The following ST6GALNAC3 variants were observed in gnomAD, a reference collection of about 807,000 sequenced individuals.
The protein encoded by ST6GALNAC3 is ST6 N-acetylgalactosaminide alpha-2,6-sialyltransferase 3.
Under a neutral mutation model 32.7 loss-of-function variants are expected in ST6GALNAC3, and 25 were observed. The ratio of observed to expected loss-of-function variants is 0.76; its 90% CI spans 0.56 to 1.07. ST6GALNAC3 has a LOEUF of 1.07. Among genes scored for constraint, ST6GALNAC3 ranks in the 50% least tolerant of loss-of-function variants. The pLI is 0.00. For missense variants in ST6GALNAC3, 355 were observed against 382.4 expected (o/e 0.93, Z 0.60); for synonymous variants, 129 against 133.1 (o/e 0.97, Z 0.21).
chr1:76,180,227 G>T (rs79217273), intron 1 of ST6GALNAC3, among the ~76,000 whole-genome samples: 4,248 of 152,184 alleles, frequency 0.028, 189 homozygotes, highest in African/African-American at 0.096. Context: ...ATATAGTTTT[G>T]TCACTTCTTA....
intron 1 of ST6GALNAC3, among the ~76,000 whole-genome samples, chr1:76,278,662 G>T (rs1410350498): frequency 6.6e-6 from 1 of 152,018 alleles, no homozygotes; most frequent in Non-Finnish European, 1.5e-5. Flanking sequence ...AAAATAAACA[G>T]AAAATGTTGC....
intron 3 of ST6GALNAC3, among the ~76,000 whole-genome samples, chr1:76,527,735 A>G (rs1402449841): frequency 2.6e-5 from 4 of 152,104 alleles, no homozygotes; most frequent in Non-Finnish European, 5.9e-5. Context: ...AAAAGCTGCC[A>G]TTAATAACCT....
chr1:76,141,449 C>G (rs1650315051), intron 1 of ST6GALNAC3, among the ~76,000 whole-genome samples: 1 of 152,064 alleles, frequency 6.6e-6, no homozygotes. Flanking sequence ...CTGCAAGTCC[C>G]CATTAAGTGT....
chr1:76,339,400 A>G (rs1647773267), intron 2 of ST6GALNAC3, among the ~76,000 whole-genome samples: 1 of 152,160 alleles, frequency 6.6e-6, no homozygotes, highest in Non-Finnish European at 1.5e-5. Flanking sequence ...TAGGAAAAAG[A>G]AAAGACAAAT....
chr1:76,635,150 T>C (rs960709795), downstream of ST6GALNAC3, among the ~76,000 whole-genome samples: 1 of 152,190 alleles, frequency 6.6e-6, no homozygotes, highest in African/African-American at 2.4e-5. Context: ...GCACATAAGC[T>C]GCATAGAACA....
At chr1:76,298,197 A>G (rs1192580376) in intron 1 of ST6GALNAC3, among the ~76,000 whole-genome samples, 1 of 152,040 alleles carries the variant, frequency 6.6e-6, no homozygotes, top group South Asian at 2.1e-4. Context: ...TAAGTAGGAA[A>G]TGACAAGCTG....
intron 3 of ST6GALNAC3, among the ~76,000 whole-genome samples, chr1:76,612,423 G>A (rs887827332): frequency 6.6e-6 from 1 of 152,172 alleles, no homozygotes; most frequent in Non-Finnish European, 1.5e-5. Context: ...GACTAATGGG[G>A]CATGCAGGAT....
chr1:76,535,474 T>C (rs950612179), intron 3 of ST6GALNAC3, among the ~76,000 whole-genome samples: 19 of 152,174 alleles, frequency 1.2e-4, no homozygotes, highest in African/African-American at 4.6e-4. Context: ...CTAATTCTCA[T>C]GGTTTTTATA....
intron 2 of ST6GALNAC3, among the ~76,000 whole-genome samples, chr1:76,346,199 T>C (rs948344846): frequency 7.9e-5 from 12 of 152,304 alleles, no homozygotes; most frequent in African/African-American, 2.9e-4. Context: ...CGTCGGCACT[T>C]ACGCCTCGAA....
At position 76,628,803 on chromosome 1, in the gene ST6GALNAC3, T is replaced by G. The variant is rs760346091; in HGVS notation, c.915T>G (p.Ser305=). The part of the protein sequence containing the change: ...IIFTHPNWTL[S] ...TTACACATCCAAACTGGACATTGTC[T>G]TGATAATGGTTTTCCTGATCTTGCC... The change falls in exon 5 of 5, where the codon TCT becomes TCG. Residue 305 remains serine (S), a synonymous_variant. Coordinates refer to ENST00000328299, the MANE Select transcript of ST6GALNAC3 (RefSeq NM_152996.4). The G allele has an allele frequency of 1.6e-5, 26 of 1,610,036 alleles. No homozygotes were observed. The South Asian group carries it at 2.9e-4, about 18-fold the overall frequency.
At chr1:76,207,141 A>C (rs575855645) in intron 1 of ST6GALNAC3, among the ~76,000 whole-genome samples, 1 of 152,254 alleles carries the variant, frequency 6.6e-6, no homozygotes, top group African/African-American at 2.4e-5. Context: ...TATTTTTCTC[A>C]TTTAACTATC....
chr1:76,586,491 T>G (rs1646964355), intron 3 of ST6GALNAC3, among the ~76,000 whole-genome samples: 1 of 152,246 alleles, frequency 6.6e-6, no homozygotes, highest in Non-Finnish European at 1.5e-5. Context: ...CTTCCCAATA[T>G]GCACTATCTC....
intron 2 of ST6GALNAC3, among the ~76,000 whole-genome samples, chr1:76,359,449 G>A (rs563496225): frequency 1.3e-5 from 2 of 152,244 alleles, no homozygotes; most frequent in African/African-American, 4.8e-5. Context: ...ATTCACACAG[G>A]AAGAATGCTA....
chr1:76,308,470 C>T (rs1366206260), intron 1 of ST6GALNAC3, among the ~76,000 whole-genome samples: 2 of 152,122 alleles, frequency 1.3e-5, no homozygotes, highest in Non-Finnish European at 2.9e-5. Context: ...CATGTACTTA[C>T]TGTTGTTTAA....
At chr1:76,466,074 T>C (rs1658607089) in intron 3 of ST6GALNAC3, among the ~76,000 whole-genome samples, 1 of 152,118 alleles carries the variant, frequency 6.6e-6, no homozygotes, top group Non-Finnish European at 1.5e-5. Context: ...TAAAAATAAA[T>C]TGTGTCATAA....
At chr1:76,603,596 A>G (rs1024155892) in intron 3 of ST6GALNAC3, among the ~76,000 whole-genome samples, 2 of 152,184 alleles carry the variant, frequency 1.3e-5, no homozygotes, top group South Asian at 4.1e-4. Context: ...AAAAACTAAA[A>G]TAACAGTTAC....
chr1:76,418,355 C>T (rs533162961), intron 3 of ST6GALNAC3, among the ~76,000 whole-genome samples: 76 of 152,178 alleles, frequency 5.0e-4, no homozygotes, highest in South Asian at 1.0e-3. Context: ...AAGGAAGCCG[C>T]CTTAACACAC....
At chr1:76,328,660 C>T (rs995138267) in intron 2 of ST6GALNAC3, among the ~76,000 whole-genome samples, 8 of 152,122 alleles carry the variant, frequency 5.3e-5, no homozygotes, top group African/African-American at 1.7e-4. Context: ...TCAGTACAGA[C>T]TTTCAGAGTG....
intron 1 of ST6GALNAC3, among the ~76,000 whole-genome samples, chr1:76,175,256 C>T (rs770987979): frequency 3.2e-4 from 48 of 152,018 alleles, no homozygotes; most frequent in Non-Finnish European, 6.2e-4. Flanking sequence ...GATTGTAATC[C>T]GCTTACACTG....
Sources: allele counts gnomAD v4.1 joint callset (sites outside exome capture counted in the v4.1 genomes callset), GRCh38; gene constraint gnomAD v4.1.1; transcripts MANE v1.5; gene names NCBI Gene and HGNC (gene_info 2026-07-23, HGNC 2026-07-21).